Variants in OR1J2 observed in about 807,000 individuals in gnomAD.
OR1J2 encodes the protein olfactory receptor family 1 subfamily J member 2, also known as olfactory receptor 1J2.
For synonymous variants in OR1J2, 142 were observed against 99.7 expected (o/e 1.42, Z -2.52); for missense variants, 304 against 246.1 (o/e 1.24, Z -1.57).
At chr9:122,546,109 G>A in the OR1J2 span, among the ~76,000 whole-genome samples, 2 of 152,164 alleles carry the variant, frequency 1.3e-5, no homozygotes, top group African/African-American at 4.8e-5. Context: ...CTGCATCTGA[G>A]AAAACTCATT....
chr9:122,526,888 GC>G, the OR1J2 span: 1 of 1,614,194 alleles, frequency 6.2e-7, no homozygotes, highest in Non-Finnish European at 8.5e-7. Context: ...CAGACTTGGG[GC>G]CTCATGACTG....
the OR1J2 span, among the ~76,000 whole-genome samples, chr9:122,535,751 T>C: frequency 6.6e-6 from 1 of 152,086 alleles, no homozygotes; most frequent in Non-Finnish European, 1.5e-5. Context: ...AAATTTCATG[T>C]GCGTCCGTGT....
chr9:122,508,222 A>G (rs907288030), upstream of OR1J2, among the ~76,000 whole-genome samples: 1 of 151,840 alleles, frequency 6.6e-6, no homozygotes, highest in African/African-American at 2.4e-5. Context: ...GAGGAGGAGG[A>G]AAAGGAGAAG....
chr9:122,457,163 GAACA>G, the OR1J2 span, among the ~76,000 whole-genome samples: 1 of 152,150 alleles, frequency 6.6e-6, no homozygotes, highest in Non-Finnish European at 1.5e-5. Context: ...AGTGGGAGCT[GAACA>G]AAGAGAATAC....
the OR1J2 span, among the ~76,000 whole-genome samples, chr9:122,541,686 A>C: frequency 6.6e-6 from 1 of 152,186 alleles, no homozygotes; most frequent in African/African-American, 2.4e-5. Context: ...ATTTTCTTGG[A>C]GTTTGGCTAG....
the OR1J2 span, among the ~76,000 whole-genome samples, chr9:122,570,645 C>T: frequency 5.3e-5 from 8 of 152,164 alleles, no homozygotes; most frequent in African/African-American, 7.2e-5. Flanking sequence ...GCCACCTCAG[C>T]GTCATCGTCC....
At chr9:122,502,172 T>C in the OR1J2 span, among the ~76,000 whole-genome samples, 1 of 152,208 alleles carries the variant, frequency 6.6e-6, no homozygotes, top group African/African-American at 2.4e-5. Flanking sequence ...CTGGACAGAA[T>C]GCACTGAAGC....
chr9:122,474,822 T>C, the OR1J2 span, among the ~76,000 whole-genome samples: 1 of 152,198 alleles, frequency 6.6e-6, no homozygotes, highest in Non-Finnish European at 1.5e-5. Context: ...TCTCAAATGG[T>C]CATTTGCACA....
At chr9:122,485,078 C>G in the OR1J2 span, among the ~76,000 whole-genome samples, 1 of 152,066 alleles carries the variant, frequency 6.6e-6, no homozygotes, top group African/African-American at 2.4e-5. Flanking sequence ...ACTTTCTCAA[C>G]TGGATTCAAA....
chr9:122,517,471 A>G, the OR1J2 span, among the ~76,000 whole-genome samples: 3 of 152,230 alleles, frequency 2.0e-5, no homozygotes, highest in Admixed American at 2.0e-4. Flanking sequence ...TTAAAGAAGC[A>G]AAGAATTTTA....
chr9:122,490,342 A>C, the OR1J2 span, among the ~76,000 whole-genome samples: 3 of 152,162 alleles, frequency 2.0e-5, no homozygotes, highest in Non-Finnish European at 4.4e-5. Flanking sequence ...ATATATATAT[A>C]TCTCTTTTCC....
the OR1J2 span, among the ~76,000 whole-genome samples, chr9:122,528,177 T>C: frequency 1.5e-4 from 23 of 152,332 alleles, no homozygotes; most frequent in East Asian, 3.5e-3. Context: ...ATCTTTTATA[T>C]GTGTGTTTTA....
At chr9:122,477,008 T>G in the OR1J2 span, 1 of 1,609,718 alleles carries the variant, frequency 6.2e-7, no homozygotes, top group Non-Finnish European at 8.5e-7. Context: ...GCGCCTGACC[T>G]ACTCAAGAGT....
downstream of OR1J2, among the ~76,000 whole-genome samples, chr9:122,514,838 C>G (rs1356626955): frequency 6.6e-6 from 1 of 152,180 alleles, no homozygotes; most frequent in East Asian, 1.9e-4. Flanking sequence ...GACACTCTTC[C>G]TAAGGACAGA....
the OR1J2 span, among the ~76,000 whole-genome samples, chr9:122,480,653 A>C: frequency 1.3e-5 from 2 of 151,786 alleles, no homozygotes; most frequent in Middle Eastern, 3.4e-3. Flanking sequence ...ATTATACTTT[A>C]AGTTCTAGGG....
chr9:122,542,027 A>T, the OR1J2 span, among the ~76,000 whole-genome samples: 1 of 152,172 alleles, frequency 6.6e-6, no homozygotes, highest in Non-Finnish European at 1.5e-5. Flanking sequence ...TTTGTGATTC[A>T]TATCACTATA....
At chr9:122,507,991 A>T (rs1828558738), upstream of OR1J2, among the ~76,000 whole-genome samples, 1 of 152,156 alleles carries the variant, frequency 6.6e-6, no homozygotes, top group Admixed American at 6.6e-5. Flanking sequence ...TGCTATGGAC[A>T]AAAATGCCAC....
chr9:122,575,941 C>T, the OR1J2 span, among the ~76,000 whole-genome samples: 1 of 152,138 alleles, frequency 6.6e-6, no homozygotes, highest in Admixed American at 6.5e-5. Flanking sequence ...TCTATCCCTG[C>T]ATATTTCTTT....
the OR1J2 span, among the ~76,000 whole-genome samples, chr9:122,570,202 G>A: frequency 6.7e-6 from 1 of 150,260 alleles, no homozygotes; most frequent in African/African-American, 2.5e-5. Flanking sequence ...CCCAGTAATG[G>A]GATGGCTGGG....
Sources: allele counts gnomAD v4.1 joint callset (sites outside exome capture counted in the v4.1 genomes callset), GRCh38; gene constraint gnomAD v4.1.1; transcripts MANE v1.5; gene names NCBI Gene and HGNC (gene_info 2026-07-23, HGNC 2026-07-21).